TMED3: variants seen among roughly 807,000 people sequenced by gnomAD.
The protein encoded by TMED3 is transmembrane p24 trafficking protein 3, also known as transmembrane emp24 domain-containing protein 3.
In TMED3, 9 loss-of-function variants were observed where a neutral mutation model predicts 15.0. That is an observed-to-expected ratio of 0.60 (90% CI 0.36 to 1.04). The LOEUF is 1.04. Among genes scored for constraint, TMED3 ranks in the 50% least tolerant of loss-of-function variants. The pLI, the probability that TMED3 is intolerant of heterozygous loss-of-function variation, is 0.01. For missense variants in TMED3, 267 were observed against 278.9 expected (o/e 0.96, Z 0.30); for synonymous variants, 117 against 121.4 (o/e 0.96, Z 0.24).
chr15:79,337,208 G>A (rs2058830391), intron 2 of TMED3, among the ~76,000 whole-genome samples: 1 of 152,194 alleles, frequency 6.6e-6, no homozygotes, highest in African/African-American at 2.4e-5. Context: ...CAACAGGGTT[G>A]GTTTCTCCTG....
chr15:79,311,204 G>A lies in TMED3; in HGVS notation c.-46G>A, dbSNP rs1187165905. 6.5e-7 allele frequency: 1 copy of A among 1,546,968 alleles called. No homozygotes were observed. Among genetic ancestry groups the A allele is most frequent in the Non-Finnish European group, 8.7e-7 (1 of 1,153,388 alleles). ...GTAGTCGTCGCCCCAGCCCGCCGGG[G>A]GCGCAGCGCCCGAGCCGCGGCCCTC... On this transcript the variant is annotated 5_prime_UTR_variant, in exon 1 of 3. Coordinates refer to ENST00000299705, the MANE Select transcript of TMED3 (RefSeq NM_007364.4).
downstream of TMED3, among the ~76,000 whole-genome samples, chr15:79,327,138 T>C (rs1289186292): frequency 6.6e-6 from 1 of 152,120 alleles, no homozygotes; most frequent in African/African-American, 2.4e-5. Flanking sequence ...CCCAAACACC[T>C]TCCACTAGGC....
chr15:79,335,073 G>T (rs1438180176), intron 2 of TMED3, among the ~76,000 whole-genome samples: 1 of 152,172 alleles, frequency 6.6e-6, no homozygotes, highest in Admixed American at 6.5e-5. Context: ...TTATTAGGGA[G>T]AGCCAGACAG....
intron 2 of TMED3, among the ~76,000 whole-genome samples, chr15:79,382,279 A>C (rs1247332336): frequency 2.6e-5 from 4 of 152,302 alleles, no homozygotes; most frequent in South Asian, 4.1e-4. Flanking sequence ...TGAGGAACTG[A>C]ACTGGAATGA....
intron 2 of TMED3, among the ~76,000 whole-genome samples, chr15:79,355,292 G>T (rs2058914492): frequency 6.6e-6 from 1 of 152,198 alleles, no homozygotes; most frequent in Non-Finnish European, 1.5e-5. Context: ...GATCACAGCT[G>T]CCAGAAGGGG....
chr15:79,386,301 TAAACA>T (rs1246991707), intron 2 of TMED3, among the ~76,000 whole-genome samples: 1 of 152,204 alleles, frequency 6.6e-6, no homozygotes, highest in Non-Finnish European at 1.5e-5. Flanking sequence ...TTGACCATAA[TAAACA>T]AAACAAAATA....
intron 2 of TMED3, 105 bp from the exon 3 acceptor site, chr15:79,321,873 A>C: frequency 7.4e-7 from 1 of 1,344,140 alleles, no homozygotes; most frequent in African/African-American, 1.4e-5. Context: ...CTTAGTTAGC[A>C]TTCAGTGGAT....
At chr15:79,356,869 T>C (rs936356953) in intron 2 of TMED3, among the ~76,000 whole-genome samples, 2 of 152,084 alleles carry the variant, frequency 1.3e-5, no homozygotes, top group East Asian at 3.8e-4. Flanking sequence ...GTAAGTTAAA[T>C]AAGGTAAGAT....
chr15:79,352,673 A>AATATAT (rs1555422864), intron 2 of TMED3, among the ~76,000 whole-genome samples: 1 of 141,734 alleles, frequency 7.1e-6, no homozygotes, highest in African/African-American at 2.6e-5. Context: ...AGAAAAAAAA[A>AATATAT]ATATATATAT....
At chr15:79,401,231 C>A (rs546700257) in intron 2 of TMED3, among the ~76,000 whole-genome samples, 1 of 152,300 alleles carries the variant, frequency 6.6e-6, no homozygotes, top group East Asian at 1.9e-4. Context: ...AAATCAAAGA[C>A]TTAAGTGCTA....
intron 2 of TMED3, among the ~76,000 whole-genome samples, chr15:79,332,502 A>G (rs1015456850): frequency 6.6e-6 from 1 of 152,214 alleles, no homozygotes; most frequent in Non-Finnish European, 1.5e-5. Context: ...CCACTAAGAC[A>G]TGTTAAAGAC....
intron 2 of TMED3, chr15:79,384,204 C>T (rs1415739300): frequency 1.3e-5 from 2 of 152,126 alleles, no homozygotes; most frequent in East Asian, 1.9e-4. Context: ...AGAACTCTCT[C>T]GAGGCAGTGA....
chr15:79,395,870 C>A (rs1335147224), intron 2 of TMED3, among the ~76,000 whole-genome samples: 1 of 152,164 alleles, frequency 6.6e-6, no homozygotes, highest in Non-Finnish European at 1.5e-5. Context: ...GATACTATGG[C>A]AAATAATAAC....
At chr15:79,402,366 G>T (rs542330195) in intron 2 of TMED3, among the ~76,000 whole-genome samples, 1 of 152,346 alleles carries the variant, frequency 6.6e-6, no homozygotes, top group South Asian at 2.1e-4. Context: ...TGTGGCTCAT[G>T]CTGAGGCTTT....
chr15:79,341,248 A>C (rs2058850669), intron 2 of TMED3, among the ~76,000 whole-genome samples: 1 of 151,672 alleles, frequency 6.6e-6, no homozygotes, highest in Non-Finnish European at 1.5e-5. Flanking sequence ...CAGGGGAAGA[A>C]AGACAGCAGA....
chr15:79,409,457 C>T (rs912773822), intron 2 of TMED3, among the ~76,000 whole-genome samples: 2 of 152,154 alleles, frequency 1.3e-5, no homozygotes, highest in Non-Finnish European at 2.9e-5. Context: ...AGGGAGGACC[C>T]GTATTCCATT....
chr15:79,403,767 C>T (rs750102260), intron 2 of TMED3, among the ~76,000 whole-genome samples: 2 of 152,130 alleles, frequency 1.3e-5, no homozygotes, highest in African/African-American at 2.4e-5. Context: ...TATGATCCAA[C>T]GGAATTTAGA....
At chr15:79,326,198 C>T (rs1171960545), downstream of TMED3, among the ~76,000 whole-genome samples, 1 of 152,134 alleles carries the variant, frequency 6.6e-6, no homozygotes, top group African/African-American at 2.4e-5. Context: ...TGTAAAACAG[C>T]TCGAAGACAC....
intron 2 of TMED3, among the ~76,000 whole-genome samples, chr15:79,395,531 C>T (rs551203384): frequency 3.3e-5 from 5 of 152,170 alleles, no homozygotes; most frequent in Admixed American, 3.3e-4. Context: ...TATTTAACTA[C>T]ACTTTAAAAA....
Sources: gnomAD v4.1 joint callset for allele counts (sites outside exome capture counted in the v4.1 genomes callset) on GRCh38, gnomAD v4.1.1 for gene constraint, MANE v1.5 for transcripts, NCBI Gene and HGNC (gene_info 2026-07-23, HGNC 2026-07-21) for gene names.